Variants in PSD3 observed in about 807,000 individuals in gnomAD.
The protein encoded by PSD3 is pleckstrin and Sec7 domain containing 3.
In PSD3, 49 loss-of-function variants were observed where a neutral mutation model predicts 105.5. The observed-to-expected ratio is 0.46, with a 90% confidence interval of 0.37 to 0.59. PSD3 has a LOEUF of 0.59. Ranked by LOEUF, PSD3 falls within the 20% of genes least tolerant of loss-of-function variation. The pLI, the probability that PSD3 is intolerant of heterozygous loss-of-function variation, is 0.00. For missense variants in PSD3, 1,561 were observed against 1,263.8 expected (o/e 1.24, Z -3.57); for synonymous variants, 557 against 457.8 (o/e 1.22, Z -2.77).
chr8:18,589,836 C>T (rs894994636), intron 12 of PSD3, among the ~76,000 whole-genome samples: 1 of 152,114 alleles, frequency 6.6e-6, no homozygotes, highest in Non-Finnish European at 1.5e-5. Flanking sequence ...GGGTCCCCTG[C>T]CCAAAAGGTT....
chr8:18,953,876 CTG>C (rs961350782), intron 1 of PSD3, among the ~76,000 whole-genome samples: 1 of 151,934 alleles, frequency 6.6e-6, no homozygotes, highest in Non-Finnish European at 1.5e-5. Context: ...AAAAAACAAA[CTG>C]AAAAAAATAT....
At chr8:18,573,105 C>T (rs1014216297) in intron 13 of PSD3, among the ~76,000 whole-genome samples, 2 of 152,138 alleles carry the variant, frequency 1.3e-5, no homozygotes, top group East Asian at 1.9e-4. Flanking sequence ...ACAGGTTCTT[C>T]GAAAGTTAAC....
chr8:18,618,796 T>G (rs538070201), intron 11 of PSD3, among the ~76,000 whole-genome samples: 40 of 152,238 alleles, frequency 2.6e-4, no homozygotes, highest in African/African-American at 9.6e-4. Flanking sequence ...TCCTCCCACC[T>G]TAGCCCCCTG....
intron 1 of PSD3, among the ~76,000 whole-genome samples, chr8:19,062,635 C>A (rs1056611843): frequency 5.3e-5 from 8 of 152,260 alleles, no homozygotes; most frequent in African/African-American, 1.9e-4. Flanking sequence ...GTATTATTTT[C>A]TATAAGTAAA....
chr8:18,544,171 C>CAAAAAAAAAAAAAAAAAAAAAAAAAAACA (rs1800315086), intron 15 of PSD3, among the ~76,000 whole-genome samples: 7 of 106,722 alleles, frequency 6.6e-5, no homozygotes, highest in African/African-American at 9.9e-5. Context: ...AGAAACAAAC[C>CAAAAAAAAAAAAAAAAAAAAAAAAAAACA]AAAAAAAAAA....
intron 1 of PSD3, among the ~76,000 whole-genome samples, chr8:19,035,536 C>A (rs887477053): frequency 6.6e-6 from 1 of 151,848 alleles, no homozygotes; most frequent in African/African-American, 2.4e-5. Flanking sequence ...ACAAAATTGT[C>A]TAGTCTCCCT....
At chr8:18,963,275 G>A (rs947923862) in intron 1 of PSD3, among the ~76,000 whole-genome samples, 1 of 152,120 alleles carries the variant, frequency 6.6e-6, no homozygotes, top group Non-Finnish European at 1.5e-5. Context: ...TGAGATTTGG[G>A]TGGGGACACA....
intron 11 of PSD3, among the ~76,000 whole-genome samples, chr8:18,623,478 G>GAAA (rs564571264): frequency 7.4e-6 from 1 of 134,448 alleles, no homozygotes; most frequent in Non-Finnish European, 1.6e-5. Context: ...AAAGAAAAAG[G>GAAA]AAAAAAAAAA....
At chr8:18,789,181 G>A (rs1020366569) in intron 8 of PSD3, among the ~76,000 whole-genome samples, 1 of 152,178 alleles carries the variant, frequency 6.6e-6, no homozygotes, top group Non-Finnish European at 1.5e-5. Context: ...GCGTTTCAGA[G>A]ATACTGTTCC....
intron 15 of PSD3, among the ~76,000 whole-genome samples, chr8:18,549,056 A>T (rs1181330021): frequency 6.6e-6 from 1 of 152,172 alleles, no homozygotes; most frequent in South Asian, 2.1e-4. Flanking sequence ...TCCCCAGTGG[A>T]AGAAATCACA....
intron 10 of PSD3, among the ~76,000 whole-genome samples, chr8:18,654,361 C>G (rs1319881713): frequency 6.6e-6 from 1 of 152,010 alleles, no homozygotes; most frequent in Non-Finnish European, 1.5e-5. Context: ...TCTGTAAACC[C>G]GAGTTCATTG....
At chr8:18,610,394 G>C (rs939130806) in intron 11 of PSD3, among the ~76,000 whole-genome samples, 1 of 152,216 alleles carries the variant, frequency 6.6e-6, no homozygotes, top group South Asian at 2.1e-4. Flanking sequence ...ATTCAAATAA[G>C]GTACGTGCTG....
chr8:18,752,607 TAATACATATAA>T (rs1805674166), intron 9 of PSD3, among the ~76,000 whole-genome samples: 5 of 68,522 alleles, frequency 7.3e-5, no homozygotes, highest in Non-Finnish European at 1.3e-4. Context: ...ATATTATATA[TAATACATATAA>T]TATATATTAT....
In PSD3 at chr8:18,949,123, G is replaced by A. The variant is rs11989262; in HGVS notation, c.22-12981C>T. Among the ~76,000 whole-genome samples the A allele has an allele frequency of 8.3e-3, 1,225 of 147,294 alleles. 17 individuals are homozygous for A. Among genetic ancestry groups the A allele is most frequent in the African/African-American group, 0.028 (1,119 of 40,244 alleles). ...TGTAGTCCCAGCTACTCGGGAGGCTGAGGCAGGAGAATGGCGTGAACCCAG... is the reference window on the plus strand; with the variant it reads ...TGTAGTCCCAGCTACTCGGGAGGCTAAGGCAGGAGAATGGCGTGAACCCAG... On this transcript the variant is annotated intron_variant, in intron 1 of 15. Coordinates refer to ENST00000327040, the MANE Select transcript of PSD3 (RefSeq NM_015310.4).
At chr8:18,916,867 TTAA>T (rs1303746741) in intron 2 of PSD3, among the ~76,000 whole-genome samples, 1 of 151,982 alleles carries the variant, frequency 6.6e-6, no homozygotes, top group African/African-American at 2.4e-5. Flanking sequence ...CAATTATATC[TTAA>T]TAAAGCTGAA....
intron 9 of PSD3, among the ~76,000 whole-genome samples, chr8:18,669,527 T>G (rs1433751527): frequency 6.6e-6 from 1 of 152,212 alleles, no homozygotes; most frequent in African/African-American, 2.4e-5. Context: ...ACAGCCAATT[T>G]GATAACCAAC....
intron 15 of PSD3, among the ~76,000 whole-genome samples, chr8:18,549,310 T>C (rs1252254774): frequency 2.0e-5 from 3 of 151,988 alleles, no homozygotes; most frequent in Non-Finnish European, 4.4e-5. Context: ...GCCTCCCAAG[T>C]AGCTGGGATT....
At chr8:18,920,001 A>G (rs990767357) in intron 2 of PSD3, among the ~76,000 whole-genome samples, 1 of 149,316 alleles carries the variant, frequency 6.7e-6, no homozygotes, top group African/African-American at 2.5e-5. Flanking sequence ...AAAGTATAAT[A>G]AAAAAATAAA....
chr8:18,972,821 G>A (rs1018485038), intron 1 of PSD3, among the ~76,000 whole-genome samples: 1 of 152,292 alleles, frequency 6.6e-6, no homozygotes, highest in African/African-American at 2.4e-5. Flanking sequence ...TTTAAGCTAC[G>A]CTGTGTATGA....
Sources: gnomAD v4.1 joint callset for allele counts (sites outside exome capture counted in the v4.1 genomes callset) on GRCh38, gnomAD v4.1.1 for gene constraint, MANE v1.5 for transcripts, NCBI Gene and HGNC (gene_info 2026-07-23, HGNC 2026-07-21) for gene names.